The following ZNF469 variants were observed in gnomAD, a reference collection of about 807,000 sequenced individuals.
ZNF469 encodes the protein zinc finger protein 469.
ZNF469 carries 1 observed loss-of-function variant against 1.0 expected under a neutral mutation model. That is an observed-to-expected ratio of 1.00 (90% CI 0.35 to 4.73). The LOEUF is 4.73. Among genes scored for constraint, ZNF469 ranks in the 30% most tolerant of loss-of-function variants. The pLI, the probability that ZNF469 is intolerant of heterozygous loss-of-function variation, is 0.16. For missense variants in ZNF469, 6,100 were observed against 5,356.3 expected (o/e 1.14, Z -4.33); for synonymous variants, 2,703 against 2,363.4 (o/e 1.14, Z -4.17).
chr16:88,121,826 AATTT>A, the ZNF469 span, among the ~76,000 whole-genome samples: 1 of 152,188 alleles, frequency 6.6e-6, no homozygotes, highest in Non-Finnish European at 1.5e-5. Flanking sequence ...TATGATTAGG[AATTT>A]ATTTGTCAAA....
At position 88,439,617 on chromosome 16, in the gene ZNF469, C is replaced by T. The variant is rs35994806; in HGVS notation, c.*285C>T. On this transcript the variant is annotated 3_prime_UTR_variant, in exon 3 of 3. Coordinates refer to ENST00000565624, the MANE Select transcript of ZNF469 (RefSeq NM_001367624.2). Reference sequence around the variant, plus strand: ...TACCAAGTACTTGAAGAGACAGCAGCCCATCCCCTCAGCCCACACCCCTGC... The same window carrying T: ...TACCAAGTACTTGAAGAGACAGCAGTCCATCCCCTCAGCCCACACCCCTGC... The T allele has an allele frequency of 8.9e-5, 42 of 471,082 alleles. No individual in the cohort carries two copies. In the East Asian group the frequency reaches 1.4e-3, roughly 16 times the overall value. 29.2% of individuals were successfully genotyped at this position (471,082 alleles called of 1,614,324 possible).
chr16:88,278,941 A>AGTAGC, the ZNF469 span, among the ~76,000 whole-genome samples: 6 of 151,456 alleles, frequency 4.0e-5, no homozygotes, highest in African/African-American at 1.5e-4. Flanking sequence ...ACACTCGGTC[A>AGTAGC]GTAGCGTGTA....
rs971155329 is a variant in ZNF469 at position 88,433,671 on chromosome 16, G to A, written c.6201G>A (p.Ala2067=). 18 of 1,549,730 alleles carry A rather than the reference G, an allele frequency of 1.2e-5. No individual in the cohort carries two copies. The highest frequency in any genetic ancestry group is 1.5e-5 in the Non-Finnish European group (17 of 1,146,796). ...SPPSPNRESL[A]LALTAAHSRS... is the part of the protein sequence containing the mutation. ...CGTCCCCTAATAGGGAGTCCCTGGC[G>A]CTGGCCTTGACAGCAGCCCACAGCC... The change falls in exon 3 of 3, where the codon GCG becomes GCA. Residue 2067 remains alanine, a synonymous_variant. Coordinates refer to ENST00000565624, the MANE Select transcript of ZNF469 (RefSeq NM_001367624.2).
chr16:88,165,745 A>G, the ZNF469 span, among the ~76,000 whole-genome samples: 2 of 152,180 alleles, frequency 1.3e-5, no homozygotes, highest in Non-Finnish European at 2.9e-5. Context: ...TTGATTCCAC[A>G]CTGAAACTGT....
the ZNF469 span, among the ~76,000 whole-genome samples, chr16:88,354,831 C>T: frequency 1.3e-5 from 2 of 152,224 alleles, no homozygotes; most frequent in Non-Finnish European, 2.9e-5. Flanking sequence ...CAAAAGGGGC[C>T]TCTCAGCCCT....
the ZNF469 span, among the ~76,000 whole-genome samples, chr16:88,305,955 C>G: frequency 1.3e-5 from 2 of 152,230 alleles, no homozygotes; most frequent in African/African-American, 4.8e-5. Flanking sequence ...CCCACACACT[C>G]ACATACATGT....
the ZNF469 span, among the ~76,000 whole-genome samples, chr16:88,253,705 A>G: frequency 4.1e-3 from 628 of 151,766 alleles, 4 homozygotes; most frequent in African/African-American, 0.014. Flanking sequence ...GCCTTGGCTA[A>G]TTTTTGTATT....
the ZNF469 span, among the ~76,000 whole-genome samples, chr16:88,366,608 CCACCATCATCACCACTATCAGCACCAT>C: frequency 6.0e-4 from 28 of 47,040 alleles, no homozygotes; most frequent in Non-Finnish European, 1.9e-3. Flanking sequence ...GTCACCACAA[CCACCATCATCACCACTATCAGCACCAT>C]CACCATCATC....
the ZNF469 span, among the ~76,000 whole-genome samples, chr16:88,358,928 G>T: frequency 6.6e-6 from 1 of 152,118 alleles, no homozygotes; most frequent in African/African-American, 2.4e-5. Flanking sequence ...GGACACCTGG[G>T]ATGCTTCCAG....
At chr16:88,363,546 T>C in the ZNF469 span, among the ~76,000 whole-genome samples, 1 of 152,216 alleles carries the variant, frequency 6.6e-6, no homozygotes, top group Non-Finnish European at 1.5e-5. Context: ...CTGGCAAAGT[T>C]TAAATACAAG....
the ZNF469 span, among the ~76,000 whole-genome samples, chr16:88,144,918 C>G: frequency 6.6e-6 from 1 of 150,644 alleles, no homozygotes; most frequent in Non-Finnish European, 1.5e-5. Flanking sequence ...GGTGTGATCT[C>G]GGCTCACTGC....
At chr16:88,169,360 C>T in the ZNF469 span, among the ~76,000 whole-genome samples, 1 of 152,172 alleles carries the variant, frequency 6.6e-6, no homozygotes, top group Non-Finnish European at 1.5e-5. The surrounding 1 kb of genome is among the most constrained non-coding windows in gnomAD (Gnocchi z 6.1). Context: ...TATCACTCCC[C>T]CAGACTCCCT....
At chr16:88,292,609 T>C in the ZNF469 span, among the ~76,000 whole-genome samples, 3 of 151,732 alleles carry the variant, frequency 2.0e-5, no homozygotes, top group Non-Finnish European at 2.9e-5. Flanking sequence ...GGGCTGGAAT[T>C]TGGAGCTGGA....
the ZNF469 span, among the ~76,000 whole-genome samples, chr16:88,226,395 G>A: frequency 1.3e-5 from 2 of 152,096 alleles, no homozygotes; most frequent in African/African-American, 2.4e-5. Flanking sequence ...CTGGCGTGGT[G>A]CAGCTGCCCA....
At chr16:88,380,565 AGACGCC>A (rs2092519542), upstream of ZNF469, among the ~76,000 whole-genome samples, 1 of 145,382 alleles carries the variant, frequency 6.9e-6, no homozygotes, top group Admixed American at 6.8e-5. Flanking sequence ...ACTCACACAC[AGACGCC>A]CTCACACAGA....
the ZNF469 span, among the ~76,000 whole-genome samples, chr16:88,226,828 C>G: frequency 6.6e-6 from 1 of 151,614 alleles, no homozygotes; most frequent in Non-Finnish European, 1.5e-5. Flanking sequence ...CGTACTTCAC[C>G]TCTGAGTTAA....
the ZNF469 span, among the ~76,000 whole-genome samples, chr16:88,328,607 C>T: frequency 1.3e-5 from 2 of 152,310 alleles, no homozygotes; most frequent in South Asian, 2.1e-4. Flanking sequence ...TCTTCTCCAA[C>T]GCACTGATCT....
At chr16:88,407,305 C>T (rs528861231) in intron 1 of ZNF469, among the ~76,000 whole-genome samples, 1 of 113,760 alleles carries the variant, frequency 8.8e-6, no homozygotes, top group Non-Finnish European at 1.9e-5. Flanking sequence ...CCAGCACCTG[C>T]GTGCAGCTCT....
At chr16:88,185,837 ACACT>A in the ZNF469 span, among the ~76,000 whole-genome samples, 26 of 152,202 alleles carry the variant, frequency 1.7e-4, no homozygotes, top group Admixed American at 7.2e-4. Context: ...ACCTACAGAC[ACACT>A]CACATTTGCA....
Sources: allele counts gnomAD v4.1 joint callset (sites outside exome capture counted in the v4.1 genomes callset), GRCh38; gene constraint gnomAD v4.1.1; non-coding constraint Gnocchi (gnomAD v3.1); transcripts MANE v1.5; gene names NCBI Gene and HGNC (gene_info 2026-07-23, HGNC 2026-07-21).